Variants in KANK1 observed in about 807,000 individuals in gnomAD.
KANK1 encodes the protein KN motif and ankyrin repeat domain-containing protein 1.
A neutral mutation model predicts 106.2 loss-of-function variants in KANK1; 109 were observed. That is an observed-to-expected ratio of 1.03 (90% confidence interval 0.88 to 1.20). The LOEUF (loss-of-function observed/expected upper bound fraction) is 1.20. Among genes scored for constraint, KANK1 ranks in the 50% most tolerant of loss-of-function variants. The pLI, the probability that KANK1 is intolerant of heterozygous loss-of-function variation, is 0.00. For missense variants in KANK1, 2,399 were observed against 1,710.7 expected, an observed-to-expected ratio of 1.40 and a Z score of -7.10; for synonymous variants, 873 against 652.2, an observed-to-expected ratio of 1.34 and a Z score of -5.16.
chr9:652,536 A>T (rs1841142320), intron 1 of KANK1, among the ~76,000 whole-genome samples: 1 of 152,046 alleles, frequency 6.6e-6, no homozygotes, highest in Non-Finnish European at 1.5e-5. Flanking sequence ...AAGTAAAATA[A>T]AGTGTTTGCA....
rs61737969 is a variant in KANK1, at chr9:710,972, C to A, written c.206C>A (p.Pro69Gln). Residue 69 changes from proline to glutamine, a missense_variant, in exon 3 of 12, where the codon CCG becomes CAG. By Grantham distance (76) the Pro-to-Gln change is moderately conservative (BLOSUM62 -1). Transcript: ENST00000382297. ...KRLNIQKRRK[P>Q]SVPCPEPRTT... The stretch of plus-strand genomic sequence containing the variant: ...CTGAACATCCAGAAGAGGCGGAAGC[C>A]GTCCGTGCCATGCCCAGAACCCAGG... 1 of 1,614,120 alleles carries A rather than the reference C, an allele frequency of 6.2e-7. No homozygotes were observed. The highest frequency in any genetic ancestry group is 8.5e-7 in the Non-Finnish European group (1 of 1,180,034).
At chr9:543,332 GA>G (rs2060722150) in intron 1 of KANK1, among the ~76,000 whole-genome samples, 1 of 151,952 alleles carries the variant, frequency 6.6e-6, no homozygotes, top group South Asian at 2.1e-4. Flanking sequence ...AAGGTGGGCG[GA>G]TCACTTGAGG....
chr9:659,600 G>A (rs976441332), intron 1 of KANK1, among the ~76,000 whole-genome samples: 7 of 152,166 alleles, frequency 4.6e-5, no homozygotes, highest in South Asian at 2.1e-4. Flanking sequence ...CAGTTCCACA[G>A]GCTGTAAAGA....
In KANK1 at chr9:606,544, A is replaced by G. The variant is rs550420427; in HGVS notation, c.-83-70346A>G. 1.4e-3 allele frequency among the ~76,000 whole-genome samples: 191 copies of G among 139,298 alleles called. 28 individuals are homozygous for G. Among genetic ancestry groups the G allele is most frequent in the African/African-American group, 5.9e-3 (179 of 30,114 alleles). The allele number at this position is 139,298 out of a possible 152,430, so 91.4% of individuals were successfully genotyped here. On this transcript the variant is annotated intron_variant, in intron 1 of 11. Transcript: ENST00000382297. ...GTACTCCAGTCTGGGCAACAACAGC[A>G]AAACTCTGTCTCAGAAAAAAAATAT...
chr9:725,496 C>CA (rs34245303), intron 3 of KANK1, among the ~76,000 whole-genome samples: 71,597 of 116,712 alleles, frequency 0.61, 21,259 homozygotes, highest in Middle Eastern at 0.73. Context: ...GACTCTGTCT[C>CA]AAAAAAAAAA....
chr9:676,079 C>T (rs1816359628), intron 1 of KANK1, among the ~76,000 whole-genome samples: 1 of 152,188 alleles, frequency 6.6e-6, no homozygotes, highest in Non-Finnish European at 1.5e-5. Flanking sequence ...CTTTCATCTC[C>T]ATCTTGGTTT....
intron 3 of KANK1, among the ~76,000 whole-genome samples, chr9:496,189 G>A (rs1019405353): frequency 3.2e-4 from 49 of 152,222 alleles, no homozygotes; most frequent in African/African-American, 1.2e-3. Flanking sequence ...AAGTAAATTG[G>A]TTCAGAGAAC....
At chr9:710,733 A>T (rs748942216) in intron 2 of KANK1, 71 bp from the exon 3 acceptor site, 264 of 1,437,644 alleles carry the variant, frequency 1.8e-4, no homozygotes, top group Non-Finnish European at 2.4e-4. Flanking sequence ...GTACTGCAAC[A>T]AACACAAATA....
intron 1 of KANK1, among the ~76,000 whole-genome samples, chr9:656,051 C>G (rs1842069251): frequency 6.6e-6 from 1 of 152,174 alleles, no homozygotes; most frequent in Non-Finnish European, 1.5e-5. Flanking sequence ...AGCCTCGTTG[C>G]AGGAGCTAGT....
Position 560,855 on chromosome 9 carries a change from T to C in KANK1, c.-84+56101T>C, listed in dbSNP as rs150073715. On this transcript the variant is annotated intron_variant, in intron 1 of 11. Transcript: ENST00000382297. ...ACAATTAAGCTCTACTGAATGCAGCTTCCTAGAGTCGGGGGAAAGTTGCAT... is the reference window on the plus strand; with the variant it reads ...ACAATTAAGCTCTACTGAATGCAGCCTCCTAGAGTCGGGGGAAAGTTGCAT... Among the ~76,000 whole-genome samples the C allele has an allele frequency of 3.1e-4, 47 of 152,240 alleles. 1 individual carries two copies. The highest frequency in any genetic ancestry group is 1.1e-3 in the African/African-American group (44 of 41,524).
At chr9:550,079 G>T (rs16919430) in intron 1 of KANK1, among the ~76,000 whole-genome samples, 2 of 151,988 alleles carry the variant, frequency 1.3e-5, no homozygotes, top group African/African-American at 2.4e-5. Flanking sequence ...GTCAGCAGTC[G>T]CAACACCACT....
At chr9:653,309 C>G (rs1841340594) in intron 1 of KANK1, among the ~76,000 whole-genome samples, 2 of 152,056 alleles carry the variant, frequency 1.3e-5, no homozygotes, top group African/African-American at 4.8e-5. Context: ...GGCTCGTGGT[C>G]TCTCTAGTGC....
At chr9:564,454 A>G (rs1817314292) in intron 1 of KANK1, among the ~76,000 whole-genome samples, 1 of 152,192 alleles carries the variant, frequency 6.6e-6, no homozygotes, top group African/African-American at 2.4e-5. Flanking sequence ...TGTGTCCTCA[A>G]CGTAGACACC....
chr9:680,562 C>T (rs1341717061), intron 2 of KANK1, among the ~76,000 whole-genome samples: 1 of 152,102 alleles, frequency 6.6e-6, no homozygotes, highest in Non-Finnish European at 1.5e-5. Flanking sequence ...TAATATAGGC[C>T]AGATATACAT....
chr9:635,293 C>G (rs1333625176), intron 1 of KANK1, among the ~76,000 whole-genome samples: 1 of 152,170 alleles, frequency 6.6e-6, no homozygotes, highest in Non-Finnish European at 1.5e-5. Context: ...CCCGAGTTCG[C>G]TTTGCTCCAT....
chr9:570,734 G>T (rs370167788), intron 1 of KANK1, among the ~76,000 whole-genome samples: 30 of 152,126 alleles, frequency 2.0e-4, no homozygotes, highest in African/African-American at 6.0e-4. Context: ...TAGGAAATAT[G>T]CATGCTAATT....
intron 1 of KANK1, among the ~76,000 whole-genome samples, chr9:605,372 G>T (rs1828842386): frequency 6.6e-6 from 1 of 151,204 alleles, no homozygotes; most frequent in Non-Finnish European, 1.5e-5. Context: ...TAAAGCATTT[G>T]CTTAGCCATA....
intron 2 of KANK1, among the ~76,000 whole-genome samples, chr9:692,925 C>G (rs903459341): frequency 6.6e-6 from 1 of 152,024 alleles, no homozygotes; most frequent in African/African-American, 2.4e-5. Context: ...TCACATGAGC[C>G]CAGGAGGTTG....
intron 3 of KANK1, among the ~76,000 whole-genome samples, chr9:498,603 A>C (rs1480395231): frequency 6.6e-6 from 1 of 152,122 alleles, no homozygotes; most frequent in Non-Finnish European, 1.5e-5. Flanking sequence ...AAAGACACAT[A>C]ATCTAATTTA....
Sources: gnomAD v4.1 joint callset for allele counts (sites outside exome capture counted in the v4.1 genomes callset) on GRCh38, gnomAD v4.1.1 for gene constraint, MANE v1.5 for transcripts, NCBI Gene and HGNC (gene_info 2026-07-23, HGNC 2026-07-21) for gene names.